ST3GAL4: variants seen among roughly 807,000 people sequenced by gnomAD.
ST3GAL4 encodes the protein ST3 beta-galactoside alpha-2,3-sialyltransferase 4, also known as CMP-N-acetylneuraminate-beta-galactosamide-alpha-2,3-sialyltransferase 4.
Under a neutral mutation model 42.6 loss-of-function variants are expected in ST3GAL4, and 24 were observed. The observed-to-expected ratio is 0.56, with a 90% CI of 0.41 to 0.79. ST3GAL4 has a LOEUF of 0.79. ST3GAL4 is among the 30% of genes least tolerant of loss of function. The pLI is 0.00. For synonymous variants in ST3GAL4, 135 were observed against 163.2 expected (o/e 0.83, Z 1.32); for missense variants, 311 against 430.8 (o/e 0.72, Z 2.46).
chr11:126,376,250 TA>T lies in ST3GAL4; in HGVS notation c.-61+20412del, dbSNP rs1952830630. Among the ~76,000 whole-genome samples the T allele has an allele frequency of 1.3e-5, 2 of 152,180 alleles. No homozygotes were observed. The highest frequency in any genetic ancestry group is 1.3e-4 in the Admixed American group (2 of 15,278). On this transcript the variant is annotated intron_variant, in intron 1 of 10. Transcript: ENST00000444328. This position sits in a 1 kb window ranked among gnomAD's most constrained non-coding sequence, Gnocchi z 5.1. The stretch of plus-strand genomic sequence containing the variant: ...GGCAATATTTGAAAGCCAGTAAATA[TA>T]AAATAAAATATATTACCTGTGTGAA...
intron 1 of ST3GAL4, among the ~76,000 whole-genome samples, chr11:126,374,712 CG>C (rs1279934747): frequency 6.6e-6 from 1 of 152,046 alleles, no homozygotes; most frequent in Non-Finnish European, 1.5e-5. Flanking sequence ...AGCAAGGACC[CG>C]GGCTCTCCCC....
At chr11:126,405,967 G>A in intron 1 of ST3GAL4, 129 bp from the exon 2 acceptor site, 1 of 1,119,272 alleles carries the variant, frequency 8.9e-7, no homozygotes, top group Non-Finnish European at 1.3e-6. Flanking sequence ...CCCTCAGGAT[G>A]ATTGCCCCAG....
intron 1 of ST3GAL4, among the ~76,000 whole-genome samples, chr11:126,361,219 T>C (rs56344867): frequency 0.3 from 45,780 of 152,068 alleles, 7,233 homozygotes; most frequent in South Asian, 0.34. Context: ...CTCACTTGGG[T>C]CCTGAGAGGG....
rs1954413654 is a variant in ST3GAL4 at position 126,409,329 on chromosome 11, G to A, written c.689G>A (p.Arg230Gln). ...TGGGATGTCAATCCTAAACAGATTCGGATTCTCAACCCCTTCTTCATGGAG... is the reference window on the plus strand; with the variant it reads ...TGGGATGTCAATCCTAAACAGATTCAGATTCTCAACCCCTTCTTCATGGAG... The part of the protein sequence containing the change: ...LIWDVNPKQI[R>Q]ILNPFFMEIA... The change falls in exon 9 of 11, where the codon CGG becomes CAG. Residue 230 changes from arginine (R) to glutamine (Q), a missense_variant. Coordinates refer to ENST00000444328, the MANE Select transcript of ST3GAL4 (RefSeq NM_001254757.2). The surrounding 1 kb of genome is among the most constrained non-coding windows in gnomAD (Gnocchi z 4.9). 6 of 1,614,216 alleles carry A rather than the reference G, an allele frequency of 3.7e-6. No individual in the cohort carries two copies. Among genetic ancestry groups the A allele is most frequent in the Non-Finnish European group, 4.2e-6 (5 of 1,180,042 alleles).
chr11:126,369,969 A>G (rs1191442148), intron 1 of ST3GAL4, among the ~76,000 whole-genome samples: 1 of 152,244 alleles, frequency 6.6e-6, no homozygotes, highest in Non-Finnish European at 1.5e-5. Flanking sequence ...AGTTGACATC[A>G]GCATGCATCG....
At chr11:126,375,588 A>G (rs1341690182) in intron 1 of ST3GAL4, among the ~76,000 whole-genome samples, 2 of 152,134 alleles carry the variant, frequency 1.3e-5, no homozygotes, top group African/African-American at 2.4e-5. Flanking sequence ...CCCTGGCTCT[A>G]CAATGGAGGT....
Position 126,407,041 on chromosome 11 carries a change from A to T in ST3GAL4, c.182+18A>T. The T allele has an allele frequency of 4.3e-6, 7 of 1,610,830 alleles. No individual in the cohort carries two copies. The highest frequency in any genetic ancestry group is 5.9e-6 in the Non-Finnish European group (7 of 1,177,066). On this transcript the variant is annotated intron_variant, in intron 4 of 10. Transcript: ENST00000444328. ...TTTGGCAAGTAAGTACTTAAGGATG[A>T]GGAGGGTAGAGCAGGGCATGGAGCG...
rs1952894524 is a variant in ST3GAL4 at position 126,378,401 on chromosome 11, T to G, written c.-61+22559T>G. Among the ~76,000 whole-genome samples, 1 of 152,116 alleles carries G rather than the reference T, an allele frequency of 6.6e-6. No individual in the cohort carries two copies. Among genetic ancestry groups the G allele is most frequent in the Non-Finnish European group, 1.5e-5 (1 of 68,012 alleles). On this transcript the variant is annotated intron_variant, in intron 1 of 10. Coordinates refer to ENST00000444328, the MANE Select transcript of ST3GAL4 (RefSeq NM_001254757.2). The surrounding 1 kb of genome is among the most constrained non-coding windows in gnomAD (Gnocchi z 5.3). ...AAAATGACTGTATGCCATCATCAATTAGGGATGATTGGTTTTCTTTTTATT... is the reference window on the plus strand; with the variant it reads ...AAAATGACTGTATGCCATCATCAATGAGGGATGATTGGTTTTCTTTTTATT...
chr11:126,360,127 G>A lies in ST3GAL4; in HGVS notation c.-61+4285G>A, dbSNP rs530284383. The stretch of plus-strand genomic sequence containing the variant: ...TTTGCCCACAGACAAGCTCCGCACC[G>A]GCAGCCCTCCCTGTCTCTTAGAGGT... On this transcript the variant is annotated intron_variant, in intron 1 of 10. Transcript: ENST00000444328. 7.2e-5 allele frequency among the ~76,000 whole-genome samples: 11 copies of A among 152,332 alleles called. 2 individuals carry two copies. The highest frequency in any genetic ancestry group is 2.4e-4 in the African/African-American group (10 of 41,586).
chr11:126,358,761 G>C lies in ST3GAL4; in HGVS notation c.-61+2919G>C, dbSNP rs141985490. Reference sequence around the variant, plus strand: ...CTGAGCCCTTTACCTGGGACCTACAGCCTGGCCACAACCCCATCTCTGTTC... The same window carrying C: ...CTGAGCCCTTTACCTGGGACCTACACCCTGGCCACAACCCCATCTCTGTTC... On this transcript the variant is annotated intron_variant, in intron 1 of 10. Coordinates refer to ENST00000444328, the MANE Select transcript of ST3GAL4 (RefSeq NM_001254757.2). Among the ~76,000 whole-genome samples the C allele has an allele frequency of 3.0e-3, 455 of 152,286 alleles. 3 individuals are homozygous for C. Among genetic ancestry groups the C allele is most frequent in the Non-Finnish European group, 5.5e-3 (371 of 68,012 alleles).
intron 1 of ST3GAL4, among the ~76,000 whole-genome samples, chr11:126,372,398 T>TTTTTC (rs536024499): frequency 2.6e-5 from 4 of 151,942 alleles, no homozygotes; most frequent in South Asian, 2.1e-4. Flanking sequence ...AGAATTTCTT[T>TTTTTC]TTTTCTTTTC....
At chr11:126,413,712 C>T (rs1954628697) in intron 10 of ST3GAL4, 64 bp downstream of exon 10, 10 of 1,598,922 alleles carry the variant, frequency 6.3e-6, no homozygotes, top group Non-Finnish European at 7.7e-6. Context: ...CAGAGGGGCA[C>T]TGGGTGAGTG....
At chr11:126,403,656 G>A (rs139602435) in intron 1 of ST3GAL4, among the ~76,000 whole-genome samples, 1 of 152,158 alleles carries the variant, frequency 6.6e-6, no homozygotes, top group East Asian at 1.9e-4. Context: ...AAGATGAAAC[G>A]CACCCTGGTC....
At chr11:126,381,359 C>G (rs1294428215) in intron 1 of ST3GAL4, among the ~76,000 whole-genome samples, 1 of 152,144 alleles carries the variant, frequency 6.6e-6, no homozygotes, top group Admixed American at 6.5e-5. Flanking sequence ...GTGACCCATT[C>G]CGGCTCCATA....
In ST3GAL4 at chr11:126,409,293, C is replaced by A; in HGVS notation, c.653C>A (p.Pro218His). The A allele has an allele frequency of 6.2e-7, 1 of 1,614,252 alleles. No homozygotes were observed. The highest frequency in any genetic ancestry group is 8.5e-7 in the Non-Finnish European group (1 of 1,180,050). The change falls in exon 9 of 11, where the codon CCT becomes CAT. Residue 218 changes from proline to histidine, a missense_variant. By Grantham distance (77) the Pro-to-His change is moderately conservative. Transcript: ENST00000444328. This position sits in a 1 kb window ranked among gnomAD's most constrained non-coding sequence, Gnocchi z 4.9. ...KRVRKGFWKQ[P>H]PLIWDVNPKQ... ...GTGCGAAAGGGTTTCTGGAAACAGC[C>A]TCCCCTCATCTGGGATGTCAATCCT...
intron 1 of ST3GAL4, chr11:126,375,224 C>G (rs1227149866): frequency 6.6e-6 from 1 of 152,314 alleles, no homozygotes; most frequent in Non-Finnish European, 1.5e-5. Context: ...ACGAATACAG[C>G]TGTGTGCCTT....
Position 126,414,428 on chromosome 11 carries a change from C to T in ST3GAL4, c.*381C>T. On this transcript the variant is annotated 3_prime_UTR_variant, in exon 11 of 11. Transcript: ENST00000444328. ...GAATTCTGCCCACTTTTTATAAAAA[C>T]TTACAGCGATGGCCCCACCAAGGCC... 1 of 233,288 alleles carries T rather than the reference C, an allele frequency of 4.3e-6. No individual in the cohort carries two copies. The highest frequency in any genetic ancestry group is 6.8e-5 in the South Asian group (1 of 14,748). The allele number at this position is 233,288 out of a possible 1,614,324, so 14.5% of individuals were successfully genotyped here.
rs773988432 is a variant in ST3GAL4 at position 126,393,761 on chromosome 11, G to A, written c.-60-12335G>A. ...CAACAGTGTCCGGTCAAAATAGAAT[G>A]GGAGCCAGAAATACAAGCCACATGT... is the stretch of plus-strand genomic sequence containing the variant. On this transcript the variant is annotated intron_variant, in intron 1 of 10. Transcript: ENST00000444328. The surrounding 1 kb of genome is among the most constrained non-coding windows in gnomAD (Gnocchi z 5.9). 6.6e-6 allele frequency among the ~76,000 whole-genome samples: 1 copy of A among 152,074 alleles called. No individual in the cohort carries two copies. The highest frequency in any genetic ancestry group is 1.5e-5 in the Non-Finnish European group (1 of 68,018).
chr11:126,389,626 C>T (rs553149950), intron 1 of ST3GAL4, among the ~76,000 whole-genome samples: 6 of 152,212 alleles, frequency 3.9e-5, no homozygotes, highest in Middle Eastern at 6.8e-3. Context: ...TATAGTGGCG[C>T]GATCATAGCT....
Sources: allele counts gnomAD v4.1 joint callset (sites outside exome capture counted in the v4.1 genomes callset), GRCh38; gene constraint gnomAD v4.1.1; non-coding constraint Gnocchi (gnomAD v3.1); transcripts MANE v1.5; gene names NCBI Gene and HGNC (gene_info 2026-07-23, HGNC 2026-07-21).